NFATC2: variants seen among roughly 807,000 people sequenced by gnomAD.
NFATC2 encodes nuclear factor of activated T-cells, cytoplasmic 2.
Under a neutral mutation model 87.3 loss-of-function variants are expected in NFATC2, and 22 were observed. That is an observed-to-expected ratio of 0.25 (90% CI 0.18 to 0.36). The LOEUF (loss-of-function observed/expected upper bound fraction) is 0.36. NFATC2 is among the 10% of genes least tolerant of loss of function. The probability of loss-of-function intolerance (pLI) is 1.00; values close to 1 mark genes in which losing one functional copy is unlikely to be tolerated. For missense variants in NFATC2, 1,149 were observed against 1,259.1 expected (o/e 0.91, Z 1.32); for synonymous variants, 565 against 542.2 (o/e 1.04, Z -0.58).
intron 2 of NFATC2, among the ~76,000 whole-genome samples, chr20:51,518,507 C>G (rs1252199901): frequency 1.3e-5 from 2 of 152,202 alleles, no homozygotes; most frequent in Non-Finnish European, 2.9e-5. Flanking sequence ...TCCTCCCCTT[C>G]TTTCCAACCA....
In NFATC2 at chr20:51,516,916, C is replaced by T. The variant is rs1043823099; in HGVS notation, c.1200G>A (p.Pro400=). 26 of 1,613,926 alleles carry T rather than the reference C, an allele frequency of 1.6e-5. No homozygotes were observed. The highest frequency in any genetic ancestry group is 1.9e-5 in the Non-Finnish European group (23 of 1,179,938). Residue 400 remains proline, a synonymous_variant, in exon 3 of 11, where the codon CCG becomes CCA. Coordinates refer to ENST00000371564, the MANE Select transcript of NFATC2 (RefSeq NM_012340.5). Reference sequence around the variant, plus strand: ...CGTAAGAGCCTGACTGACTGGACAGCGGCCACTCAAGTGGAGGGAGGGATG... The same window carrying T: ...CGTAAGAGCCTGACTGACTGGACAGTGGCCACTCAAGTGGAGGGAGGGATG... The part of the protein sequence containing the change: ...VTASLPPLEW[P]LSSQSGSYEL...
intron 3 of NFATC2, among the ~76,000 whole-genome samples, chr20:51,489,077 C>A (rs2075836874): frequency 6.6e-6 from 1 of 152,200 alleles, no homozygotes; most frequent in Admixed American, 6.5e-5. Flanking sequence ...GCAATCCCAG[C>A]TACTCAGGAG....
At chr20:51,394,409 T>C (rs1216757916) in intron 10 of NFATC2, among the ~76,000 whole-genome samples, 1 of 151,582 alleles carries the variant, frequency 6.6e-6, no homozygotes, top group East Asian at 1.9e-4. Context: ...TCCCTCCTCT[T>C]GTCTCACCTT....
At chr20:51,548,285 C>G (rs935041469) in intron 1 of NFATC2, among the ~76,000 whole-genome samples, 3 of 152,230 alleles carry the variant, frequency 2.0e-5, no homozygotes, top group African/African-American at 7.2e-5. Context: ...TGTTAGAGAC[C>G]TTCCCTGCCT....
chr20:51,493,448 G>C (rs528425491), intron 3 of NFATC2, among the ~76,000 whole-genome samples: 5 of 152,342 alleles, frequency 3.3e-5, no homozygotes, highest in African/African-American at 1.2e-4. Flanking sequence ...CAACATGCTA[G>C]AGAAATGATT....
chr20:51,540,654 T>TTTTTTTGTTTG lies in NFATC2; in HGVS notation c.130+1715_130+1716insCAAACAAAAAA, dbSNP rs1374594659. On this transcript the variant is annotated intron_variant, in intron 1 of 10. Transcript: ENST00000371564. ...ACTGTTCCAAAAACTGAAGTTTTTT[T>TTTTTTTGTTTG]TTTGTTTTTTTTTTTTTGAGAAAAC... 3.4e-4 allele frequency among the ~76,000 whole-genome samples: 44 copies of TTTTTTTGTTTG among 131,162 alleles called. 1 individual carries two copies. Among genetic ancestry groups the TTTTTTTGTTTG allele is most frequent in the African/African-American group, 8.6e-4 (28 of 32,412 alleles). The allele number at this position is 131,162 out of a possible 152,430, so 86.0% of individuals were successfully genotyped here. A position where few individuals can be genotyped will look rare whatever the true frequency, so the allele number is the denominator to read the frequency against.
At chr20:51,537,279 A>AG (rs2076736831) in intron 1 of NFATC2, among the ~76,000 whole-genome samples, 2 of 118,632 alleles carry the variant, frequency 1.7e-5, no homozygotes, top group African/African-American at 6.6e-5. Flanking sequence ...GTATGTGGTG[A>AG]GGGGGCAGTG....
chr20:51,468,124 G>A (rs548332173), intron 5 of NFATC2, among the ~76,000 whole-genome samples: 3 of 152,174 alleles, frequency 2.0e-5, no homozygotes, highest in East Asian at 1.9e-4. Context: ...TTAATCAACC[G>A]TGATAGAAAT....
At chr20:51,506,602 A>G (rs1488667435) in intron 3 of NFATC2, among the ~76,000 whole-genome samples, 1 of 151,606 alleles carries the variant, frequency 6.6e-6, no homozygotes, top group East Asian at 1.9e-4. Context: ...ACTAAATTAG[A>G]AAATGCTCAA....
intron 3 of NFATC2, among the ~76,000 whole-genome samples, chr20:51,495,422 C>A (rs555397268): frequency 6.6e-6 from 1 of 152,090 alleles, no homozygotes; most frequent in African/African-American, 2.4e-5. Flanking sequence ...CTTGTGTGAC[C>A]GCATATTCAC....
At chr20:51,405,887 C>T (rs1988518366) in intron 9 of NFATC2, among the ~76,000 whole-genome samples, 2 of 152,224 alleles carry the variant, frequency 1.3e-5, no homozygotes, top group African/African-American at 4.8e-5. Flanking sequence ...AGCGATTCTC[C>T]TGCCTCAGCC....
intron 1 of NFATC2, among the ~76,000 whole-genome samples, chr20:51,560,918 T>C (rs1207811699): frequency 6.6e-6 from 1 of 152,192 alleles, no homozygotes; most frequent in Non-Finnish European, 1.5e-5. Context: ...GATCACACAG[T>C]AAAACAGAAG....
Position 51,562,526 on chromosome 20 carries a change from C to A in NFATC2, c.70+34G>T. 2 of 1,524,366 alleles carry A rather than the reference C, an allele frequency of 1.3e-6. No homozygotes were observed. The highest frequency in any genetic ancestry group is 1.2e-5 in the South Asian group (1 of 82,100). 94.4% of individuals were successfully genotyped at this position (1,524,366 alleles called of 1,614,324 possible). A position where few individuals can be genotyped will look rare whatever the true frequency, so the allele number is the denominator to read the frequency against. On this transcript the variant is annotated intron_variant, in intron 1 of 10. Transcript: ENST00000414705. This position sits in a 1 kb window ranked among gnomAD's most constrained non-coding sequence, Gnocchi z 5.8. ...GCAGGAAAGGGCCGGGAGGAGCGAG[C>A]GGAAAAGGCTGGAAGGGATCGAGAG...
intron 2 of NFATC2, among the ~76,000 whole-genome samples, chr20:51,520,659 ATTAT>A (rs780814241): frequency 1.3e-3 from 197 of 150,930 alleles, no homozygotes; most frequent in Middle Eastern, 3.4e-3. Context: ...TATTATTATT[ATTAT>A]TTATTTTTAT....
chr20:51,447,472 A>T (rs983764706), intron 6 of NFATC2, among the ~76,000 whole-genome samples: 2 of 152,230 alleles, frequency 1.3e-5, no homozygotes, highest in Admixed American at 6.5e-5. Context: ...CCAGCCGAAA[A>T]ATTCCAAAAC....
chr20:51,512,224 TG>T (rs1345995900), intron 3 of NFATC2, among the ~76,000 whole-genome samples: 1 of 152,210 alleles, frequency 6.6e-6, no homozygotes, highest in African/African-American at 2.4e-5. Flanking sequence ...TCTCTTGTCA[TG>T]GTTTGTTCTG....
intron 5 of NFATC2, among the ~76,000 whole-genome samples, chr20:51,460,043 T>G (rs1986980653): frequency 6.6e-6 from 1 of 152,128 alleles, no homozygotes; most frequent in Admixed American, 6.5e-5. Flanking sequence ...GGAGAAAATA[T>G]CCTATATAAG....
At chr20:51,428,095 AG>A (rs139290413) in intron 9 of NFATC2, among the ~76,000 whole-genome samples, 2,082 of 152,208 alleles carry the variant, frequency 0.014, 56 homozygotes, top group African/African-American at 0.048. Context: ...ACACAGAGGA[AG>A]GGAGAGAGGG....
intron 3 of NFATC2, among the ~76,000 whole-genome samples, chr20:51,504,552 A>C (rs1243195763): frequency 1.3e-5 from 2 of 152,256 alleles, no homozygotes; most frequent in Admixed American, 6.5e-5. Context: ...GAACTTATTC[A>C]TGCAACCAAA....
Sources: gnomAD v4.1 joint callset for allele counts (sites outside exome capture counted in the v4.1 genomes callset) on GRCh38, gnomAD v4.1.1 for gene constraint, Gnocchi (gnomAD v3.1) non-coding constraint, MANE v1.5 for transcripts, NCBI Gene and HGNC (gene_info 2026-07-23, HGNC 2026-07-21) for gene names.